The following BLTP3A variants were observed in gnomAD, a reference collection of about 807,000 sequenced individuals.
BLTP3A encodes the protein ICBP90 binding protein 1.
At chr6:34,872,574 G>A in the BLTP3A span, 1 of 1,130,000 alleles carries the variant, frequency 8.8e-7, no homozygotes, top group Non-Finnish European at 1.2e-6. Flanking sequence ...CACTTCACTT[G>A]TGTGGGTGTG....
At chr6:34,850,027 C>G in the BLTP3A span, among the ~76,000 whole-genome samples, 1 of 151,868 alleles carries the variant, frequency 6.6e-6, no homozygotes, top group Admixed American at 6.6e-5. Flanking sequence ...CCTGTAATCC[C>G]AGCTACTCAG....
At chr6:34,840,642 G>A in the BLTP3A span, among the ~76,000 whole-genome samples, 17 of 151,344 alleles carry the variant, frequency 1.1e-4, no homozygotes, top group Non-Finnish European at 2.2e-4. Context: ...TTGAGACAGA[G>A]TCTCGCTCTG....
the BLTP3A span, chr6:34,834,685 C>T: frequency 6.3e-7 from 1 of 1,598,644 alleles, no homozygotes; most frequent in Non-Finnish European, 8.5e-7. Context: ...TAATTTCATT[C>T]ACAGGATTAA....
chr6:34,819,258 C>G, the BLTP3A span, among the ~76,000 whole-genome samples: 1 of 151,168 alleles, frequency 6.6e-6, no homozygotes, highest in East Asian at 2.0e-4. Context: ...CACCCACTAA[C>G]TCGTCATCTA....
chr6:34,842,063 ATAATTGT>A, the BLTP3A span, among the ~76,000 whole-genome samples: 2 of 152,172 alleles, frequency 1.3e-5, no homozygotes, highest in African/African-American at 4.8e-5. Context: ...AGATATGTTG[ATAATTGT>A]TAATTATATT....
chr6:34,817,978 C>T, the BLTP3A span, among the ~76,000 whole-genome samples: 9 of 152,098 alleles, frequency 5.9e-5, no homozygotes, highest in East Asian at 1.2e-3. Flanking sequence ...CTCAGCTTCC[C>T]GATTAGCTGG....
the BLTP3A span, chr6:34,821,750 A>T: frequency 2.5e-6 from 4 of 1,614,136 alleles, no homozygotes; most frequent in Non-Finnish European, 3.4e-6. Flanking sequence ...GGTTCTACAG[A>T]ATGTACTGGA....
At chr6:34,832,280 C>G in the BLTP3A span, among the ~76,000 whole-genome samples, 1 of 152,082 alleles carries the variant, frequency 6.6e-6, no homozygotes, top group Non-Finnish European at 1.5e-5. Context: ...ACCACTGTAT[C>G]TGGCTAATTT....
At chr6:34,803,664 A>G in the BLTP3A span, among the ~76,000 whole-genome samples, 1 of 152,200 alleles carries the variant, frequency 6.6e-6, no homozygotes, top group Non-Finnish European at 1.5e-5. Flanking sequence ...CTGAATCCAC[A>G]GATACTCCAA....
the BLTP3A span, among the ~76,000 whole-genome samples, chr6:34,819,688 G>A: frequency 6.6e-6 from 1 of 152,342 alleles, no homozygotes; most frequent in African/African-American, 2.4e-5. Flanking sequence ...AGTTGCAGCA[G>A]TTAGGGGAAG....
chr6:34,823,493 G>C, the BLTP3A span: 1 of 581,620 alleles, frequency 1.7e-6, no homozygotes. Context: ...ATATACCCAA[G>C]ATCTAATTTC....
At chr6:34,834,086 A>G in the BLTP3A span, 1 of 1,015,402 alleles carries the variant, frequency 9.8e-7, no homozygotes. Flanking sequence ...TGGGTAACAG[A>G]GCAAGAACCT....
the BLTP3A span, among the ~76,000 whole-genome samples, chr6:34,828,468 A>AT: frequency 2.0e-5 from 3 of 150,474 alleles, no homozygotes; most frequent in Non-Finnish European, 4.4e-5. Context: ...AAAAAAAAAA[A>AT]GTGTGTATTT....
At chr6:34,804,473 T>C in the BLTP3A span, among the ~76,000 whole-genome samples, 1 of 151,976 alleles carries the variant, frequency 6.6e-6, no homozygotes, top group Admixed American at 6.6e-5. Flanking sequence ...TCTGCAGAGC[T>C]GGGGGGTTGG....
At chr6:34,796,755 T>G in the BLTP3A span, among the ~76,000 whole-genome samples, 1 of 152,210 alleles carries the variant, frequency 6.6e-6, no homozygotes, top group African/African-American at 2.4e-5. Flanking sequence ...GGGCAGCCTT[T>G]TGCAGTGGTG....
chr6:34,845,048 G>T, the BLTP3A span, among the ~76,000 whole-genome samples: 1 of 152,154 alleles, frequency 6.6e-6, no homozygotes, highest in Non-Finnish European at 1.5e-5. Flanking sequence ...AGAGATAGGG[G>T]TCTAGTTTCA....
chr6:34,847,775 A>G, the BLTP3A span, among the ~76,000 whole-genome samples: 1 of 142,184 alleles, frequency 7.0e-6, no homozygotes, highest in South Asian at 2.2e-4. Context: ...TTTTTTTTTC[A>G]ATTTCATTTA....
the BLTP3A span, among the ~76,000 whole-genome samples, chr6:34,816,574 C>G: frequency 1.3e-5 from 2 of 152,186 alleles, no homozygotes; most frequent in African/African-American, 4.8e-5. Context: ...GATCACGCCA[C>G]TACACTCCAG....
the BLTP3A span, chr6:34,857,303 A>G: frequency 1.9e-6 from 3 of 1,613,290 alleles, no homozygotes; most frequent in Non-Finnish European, 2.5e-6. Context: ...GATTGTTGAT[A>G]CTAACAAAAA....
Sources: gnomAD v4.1 joint callset for allele counts (sites outside exome capture counted in the v4.1 genomes callset) on GRCh38, gnomAD v4.1.1 for gene constraint, MANE v1.5 for transcripts, NCBI Gene and HGNC (gene_info 2026-07-23, HGNC 2026-07-21) for gene names.